KIAA0319: variants seen among roughly 807,000 people sequenced by gnomAD.
KIAA0319 encodes KIAA0319, also known as dyslexia-associated protein KIAA0319.
Under a neutral mutation model 108.4 loss-of-function variants are expected in KIAA0319, and 83 were observed. The observed-to-expected ratio is 0.77, with a 90% CI of 0.64 to 0.92. The LOEUF (loss-of-function observed/expected upper bound fraction) is 0.92. Ranked by LOEUF, KIAA0319 falls within the 40% of genes least tolerant of loss-of-function variation. The pLI is 0.00. For synonymous variants in KIAA0319, 484 were observed against 510.4 expected, an observed-to-expected ratio of 0.95 and a Z score of 0.70; for missense variants, 1,195 against 1,322.4, an observed-to-expected ratio of 0.90 and a Z score of 1.49.
rs146059101 is a variant in KIAA0319 at position 24,563,377 on chromosome 6, C to T, written c.2573G>A (p.Arg858Gln). 13 of 1,613,018 alleles carry T rather than the reference C, an allele frequency of 8.1e-6. No individual in the cohort carries two copies. Among genetic ancestry groups the T allele is most frequent in the South Asian group, 2.2e-5 (2 of 90,824 alleles). Residue 858 changes from arginine (R) to glutamine (Q), a missense_variant, in exon 16 of 21, where the codon CGG becomes CAG. Transcript: ENST00000378214. ...LDSDIKVQKI[R>Q]AHSDLSTVIV... ...CTCCTACCTGAGATCCGAGTGGGCC[C>T]GAATCTTCTGGACCTTAATGTCCGA...
In KIAA0319 at chr6:24,556,557, G is replaced by A. The variant is rs1762307572; in HGVS notation, c.2857+50C>T. On this transcript the variant is annotated intron_variant, in intron 18 of 20. Coordinates refer to ENST00000378214, the MANE Select transcript of KIAA0319 (RefSeq NM_014809.4). ...GCAGATATTTCTGATACCTGAGAAT[G>A]AGCTGCCTTAAGGCTCCTCACCCAA... The A allele has an allele frequency of 2.5e-6, 4 of 1,574,792 alleles. No homozygotes were observed. In the African/African-American group the frequency reaches 5.4e-5, roughly 21 times the overall value.
Position 24,564,280 on chromosome 6 carries a change from C to A in KIAA0319, c.2353G>T (p.Val785Leu), listed in dbSNP as rs777359139. ...ALQLTNLVEGVYTFHLRVTDS... is the reference protein window; with the variant it reads ...ALQLTNLVEGLYTFHLRVTDS... ...GTGACTCGCAAGTGGAAAGTGTACA[C>A]CCCCTCCACCAGATTCGTAAGCTGC... is the stretch of plus-strand genomic sequence containing the variant. The change falls in exon 15 of 21, where the codon GTG becomes TTG. Residue 785 changes from valine (V) to leucine (L), a missense_variant. By Grantham distance (32) the Val-to-Leu change is conservative. Transcript: ENST00000378214. 9 of 1,614,034 alleles carry A rather than the reference C, an allele frequency of 5.6e-6. No individual in the cohort carries two copies. Among genetic ancestry groups the A allele is most frequent in the Middle Eastern group, 1.6e-4 (1 of 6,084 alleles).
At chr6:24,604,611 G>T (rs140587271) in intron 1 of KIAA0319, among the ~76,000 whole-genome samples, 1,715 of 152,246 alleles carry the variant, frequency 0.011, 21 homozygotes, top group Non-Finnish European at 0.02. Context: ...CAACCATATT[G>T]TACCTGGAAA....
chr6:24,599,749 G>C lies in KIAA0319; in HGVS notation c.55+1300C>G. 1.8e-6 allele frequency: 1 copy of C among 540,660 alleles called. No homozygotes were observed. The highest frequency in any genetic ancestry group is 3.4e-6 in the Non-Finnish European group (1 of 291,068). 33.5% of individuals were successfully genotyped at this position (540,660 alleles called of 1,614,324 possible). On this transcript the variant is annotated intron_variant, in intron 2 of 20. Coordinates refer to ENST00000378214, the MANE Select transcript of KIAA0319 (RefSeq NM_014809.4). This position sits in a 1 kb window ranked among gnomAD's most constrained non-coding sequence, Gnocchi z 4.1. Reference sequence around the variant, plus strand: ...GTGAAGAAGATCGAGATTTGTGATAGGAAACTGGTGTCTGAGTCCTCTGAT... The same window carrying C: ...GTGAAGAAGATCGAGATTTGTGATACGAAACTGGTGTCTGAGTCCTCTGAT...
chr6:24,576,444 C>T lies in KIAA0319; in HGVS notation c.1658G>A (p.Ser553Asn). The T allele has an allele frequency of 1.2e-6, 2 of 1,614,174 alleles. No homozygotes were observed. The highest frequency in any genetic ancestry group is 1.7e-6 in the Non-Finnish European group (2 of 1,180,018). Residue 553 changes from serine (S) to asparagine (N), a missense_variant, in exon 10 of 21, where the codon AGC becomes AAC. Ser to Asn is a conservative substitution (Grantham distance 46). Coordinates refer to ENST00000378214, the MANE Select transcript of KIAA0319 (RefSeq NM_014809.4). The part of the protein sequence containing the change: ...QNSITLNGNQ[S>N]SDDHQIVLYE... ...GAGGACAATCTGGTGATCGTCACTG[C>T]TCTGGTTTCCATTCAAAGTGATGGA...
chr6:24,586,185 C>T (rs1767460775), intron 4 of KIAA0319, among the ~76,000 whole-genome samples: 1 of 152,202 alleles, frequency 6.6e-6, no homozygotes, highest in African/African-American at 2.4e-5. Context: ...TTAACCTTGG[C>T]AAAATAAACT....
intron 2 of KIAA0319, chr6:24,598,253 G>A: frequency 1.7e-6 from 1 of 601,876 alleles, no homozygotes; most frequent in Non-Finnish European, 3.0e-6. Flanking sequence ...AGCCTGCTGA[G>A]CCCCCTTAAG....
intron 18 of KIAA0319, 96 bp downstream of exon 18, chr6:24,556,511 C>T: frequency 7.3e-7 from 1 of 1,375,048 alleles, no homozygotes; most frequent in Non-Finnish European, 1.0e-6. Context: ...CTATGTTGCC[C>T]AGGTTGGCCT....
chr6:24,610,603 T>C (rs1390572032), intron 1 of KIAA0319, among the ~76,000 whole-genome samples: 2 of 152,122 alleles, frequency 1.3e-5, no homozygotes, highest in African/African-American at 2.4e-5. Context: ...TGAAAACATA[T>C]AGCCACAAAA....
intron 1 of KIAA0319, among the ~76,000 whole-genome samples, chr6:24,643,343 T>C (rs1273707826): frequency 6.6e-6 from 1 of 152,154 alleles, no homozygotes; most frequent in Non-Finnish European, 1.5e-5. Flanking sequence ...ACTATTCGGG[T>C]AATGGGTACA....
intron 10 of KIAA0319, 79 bp downstream of exon 10, chr6:24,576,289 C>T (rs1041366259): frequency 2.7e-6 from 3 of 1,119,488 alleles, no homozygotes; most frequent in Non-Finnish European, 4.0e-6. Context: ...ATTTAACTGC[C>T]TACCCCAACC....
chr6:24,600,713 AG>A (rs1770496998), intron 2 of KIAA0319: 1 of 1,488,336 alleles, frequency 6.7e-7, no homozygotes, highest in African/African-American at 1.4e-5. Context: ...AAGCAAACTG[AG>A]TATAATGAAA....
rs143534698 is a variant in KIAA0319 at position 24,596,610 on chromosome 6, G to A, written c.64C>T (p.Arg22Cys). 8.7e-6 allele frequency: 14 copies of A among 1,602,492 alleles called. No individual in the cohort carries two copies. Among genetic ancestry groups the A allele is most frequent in the South Asian group, 2.2e-5 (2 of 90,608 alleles). ...LLLVTIAGCA[R>C]KQCSEGRTYS... Reference sequence around the variant, plus strand: ...GTCCTCCCCTCGCTGCACTGCTTACGGGCACAACCTTTAAACAAAGTAGTT... The same window carrying A: ...GTCCTCCCCTCGCTGCACTGCTTACAGGCACAACCTTTAAACAAAGTAGTT... The change falls in exon 3 of 21, where the codon CGT becomes TGT. Residue 22 changes from arginine to cysteine, a missense_variant. Coordinates refer to ENST00000378214, the MANE Select transcript of KIAA0319 (RefSeq NM_014809.4).
At chr6:24,557,964 T>G (rs807539) in intron 17 of KIAA0319, among the ~76,000 whole-genome samples, 151,364 of 152,184 alleles carry the variant, frequency 0.99, 75,277 homozygotes, top group Middle Eastern at 1. Context: ...GTAGAGATGG[T>G]GGAACTGGAA....
intron 1 of KIAA0319, among the ~76,000 whole-genome samples, chr6:24,606,795 A>G (rs891444314): frequency 3.3e-5 from 5 of 152,248 alleles, no homozygotes; most frequent in African/African-American, 1.2e-4. Flanking sequence ...GAACTATTGA[A>G]TAAAACTTCT....
Position 24,596,107 on chromosome 6 carries a change from C to T in KIAA0319, c.567G>A (p.Pro189=), listed in dbSNP as rs148257977. ...SAEYTDWGLL[P]GSEGAFNSSV... The stretch of plus-strand genomic sequence containing the variant: ...AGGAGTTGAAGGCCCCCTCGCTGCC[C>T]GGCAGTAGGCCCCAGTCCGTGTACT... Residue 189 remains proline (P), a synonymous_variant, in exon 3 of 21, where the codon CCG becomes CCA. Transcript: ENST00000378214. The T allele has an allele frequency of 6.0e-4, 971 of 1,613,954 alleles. 2 individuals are homozygous for T. The highest frequency in any genetic ancestry group is 7.8e-4 in the Non-Finnish European group (924 of 1,179,988).
intron 14 of KIAA0319, among the ~76,000 whole-genome samples, 154 bp from the exon 15 acceptor site, chr6:24,564,494 G>A (rs1763624494): frequency 6.6e-6 from 1 of 152,168 alleles, no homozygotes; most frequent in Non-Finnish European, 1.5e-5. Flanking sequence ...GATAGCTAAA[G>A]ACTGGAGAAA....
chr6:24,600,776 G>T, intron 2 of KIAA0319: 1 of 877,208 alleles, frequency 1.1e-6, no homozygotes, highest in Non-Finnish European at 1.7e-6. Context: ...GATCTAGTAT[G>T]CAATTCTTTT....
At chr6:24,627,335 G>A (rs116832626) in intron 1 of KIAA0319, among the ~76,000 whole-genome samples, 1,996 of 152,234 alleles carry the variant, frequency 0.013, 17 homozygotes, top group African/African-American at 0.025. Flanking sequence ...GTGGTAATGT[G>A]CTACCTGATA....
Sources: gnomAD v4.1 joint callset for allele counts (sites outside exome capture counted in the v4.1 genomes callset) on GRCh38, gnomAD v4.1.1 for gene constraint, Gnocchi (gnomAD v3.1) non-coding constraint, MANE v1.5 for transcripts, NCBI Gene and HGNC (gene_info 2026-07-23, HGNC 2026-07-21) for gene names.